GRB14: variants seen among roughly 807,000 people sequenced by gnomAD.
GRB14 encodes growth factor receptor-bound protein 14.
In GRB14, 38 loss-of-function variants were observed where a neutral mutation model predicts 69.1. The observed-to-expected ratio is 0.55, with a 90% CI of 0.42 to 0.72. The LOEUF is 0.72. GRB14 is among the 30% of genes least tolerant of loss of function. GRB14 has a pLI of 0.00. For missense variants in GRB14, 666 were observed against 666.1 expected, an observed-to-expected ratio of 1.00 and a Z score of 0.00; for synonymous variants, 247 against 241.3, an observed-to-expected ratio of 1.02 and a Z score of -0.22.
At chr2:164,610,861 G>A (rs1453533541) in intron 2 of GRB14, among the ~76,000 whole-genome samples, 1 of 144,254 alleles carries the variant, frequency 6.9e-6, no homozygotes, top group Admixed American at 7.0e-5. Context: ...GAAATGTGAT[G>A]GGAAAAAAAA....
At chr2:164,572,816 A>C (rs753049239) in intron 2 of GRB14, among the ~76,000 whole-genome samples, 78 of 152,154 alleles carry the variant, frequency 5.1e-4, no homozygotes, top group Admixed American at 2.6e-4. Context: ...TATACAGAGA[A>C]AAAAAAGCAA....
At chr2:164,507,416 C>T (rs1366852958) in intron 8 of GRB14, among the ~76,000 whole-genome samples, 1 of 152,218 alleles carries the variant, frequency 6.6e-6, no homozygotes, top group East Asian at 1.9e-4. Flanking sequence ...TATTGAAAAG[C>T]TAGTTTTAGT....
intron 6 of GRB14, among the ~76,000 whole-genome samples, chr2:164,512,585 G>C (rs957589849): frequency 6.6e-6 from 1 of 152,198 alleles, no homozygotes; most frequent in Non-Finnish European, 1.5e-5. Context: ...GCTTCACTAC[G>C]TGCTGACTGT....
In GRB14 at chr2:164,508,768, G is replaced by A. The variant is rs138627056; in HGVS notation, c.901C>T (p.Pro301Ser). 1.3e-6 allele frequency: 2 copies of A among 1,586,710 alleles called. No individual in the cohort carries two copies. Among genetic ancestry groups the A allele is most frequent in the Non-Finnish European group, 8.5e-7 (1 of 1,170,430 alleles). ...SLAGKKKHGA[P>S]TNYGFCFKPN... ...TTAAAGCAGAATCCATAGTTAGTCGGTGCTCCATGTTTTTTTTTGCCTGCC... is the reference window on the plus strand; with the variant it reads ...TTAAAGCAGAATCCATAGTTAGTCGATGCTCCATGTTTTTTTTTGCCTGCC... Residue 301 changes from proline to serine, a missense_variant, in exon 7 of 14, where the codon CCG becomes TCG. Physicochemically the swap from Pro to Ser is moderately conservative, Grantham distance 74. Transcript: ENST00000263915.
At chr2:164,580,640 G>T (rs1050070490) in intron 2 of GRB14, among the ~76,000 whole-genome samples, 1 of 151,788 alleles carries the variant, frequency 6.6e-6, no homozygotes, top group Non-Finnish European at 1.5e-5. Context: ...AGAGGTGGAG[G>T]TTGCAGTGAG....
At chr2:164,552,995 C>T (rs1688584267) in intron 2 of GRB14, among the ~76,000 whole-genome samples, 2 of 152,100 alleles carry the variant, frequency 1.3e-5, no homozygotes, top group Non-Finnish European at 2.9e-5. Context: ...ACATTCCATG[C>T]CAAGAAATGG....
chr2:164,514,423 A>G (rs1405526444), intron 6 of GRB14, among the ~76,000 whole-genome samples: 5 of 152,212 alleles, frequency 3.3e-5, no homozygotes, highest in Non-Finnish European at 5.9e-5. Context: ...CTGAACACAC[A>G]CCCTCACTGC....
intron 2 of GRB14, among the ~76,000 whole-genome samples, chr2:164,614,714 G>C (rs1690245809): frequency 6.6e-6 from 1 of 152,076 alleles, no homozygotes; most frequent in South Asian, 2.1e-4. Flanking sequence ...ATATGTACAT[G>C]GGTTTCTCTT....
At chr2:164,527,207 A>G (rs1687801739) in intron 3 of GRB14, 72 bp from the exon 4 acceptor site, 1 of 273,106 alleles carries the variant, frequency 3.7e-6, no homozygotes, top group Non-Finnish European at 6.5e-6. Context: ...ATATATATAT[A>G]TATATATATA....
At position 164,508,537 on chromosome 2, in the gene GRB14, C is replaced by T; in HGVS notation, c.941G>A (p.Gly314Glu). 1 of 1,613,992 alleles carries T rather than the reference C, an allele frequency of 6.2e-7. No homozygotes were observed. Residue 314 changes from glycine (G) to glutamate (E), a missense_variant, in exon 8 of 14, where the codon GGA (glycine) becomes GAA (glutamate). Gly to Glu is a moderately conservative substitution (Grantham distance 98). Transcript: ENST00000263915. ...YGFCFKPNKA[G>E]GPRDLKMLCA... ...GAGCATTTTCAGGTCTCGGGGCCCTCCCGCTTTGTTAGGCTAGAAGGCCAC... is the reference window on the plus strand; with the variant it reads ...GAGCATTTTCAGGTCTCGGGGCCCTTCCGCTTTGTTAGGCTAGAAGGCCAC...
chr2:164,585,321 T>G (rs1294331840), intron 2 of GRB14, among the ~76,000 whole-genome samples: 1 of 151,892 alleles, frequency 6.6e-6, no homozygotes, highest in Admixed American at 6.6e-5. Context: ...TGGTTTATTT[T>G]CAAATAATGT....
intron 3 of GRB14, among the ~76,000 whole-genome samples, chr2:164,539,179 A>T (rs1241131450): frequency 2.0e-5 from 3 of 152,170 alleles, no homozygotes; most frequent in Non-Finnish European, 4.4e-5. Context: ...ATTTATATTA[A>T]AAATACTAAT....
At chr2:164,544,191 A>T (rs2105306907) in intron 3 of GRB14, among the ~76,000 whole-genome samples, 1 of 152,340 alleles carries the variant, frequency 6.6e-6, no homozygotes, top group South Asian at 2.1e-4. Context: ...TTCTATTGCT[A>T]CTTGATGCCT....
chr2:164,557,084 T>C lies in GRB14; in HGVS notation c.325-9268A>G, dbSNP rs117861423. Among the ~76,000 whole-genome samples the C allele has an allele frequency of 1.4e-3, 216 of 152,290 alleles. 7 individuals are homozygous for C. In the East Asian group the frequency reaches 0.033, roughly 24 times the overall value. On this transcript the variant is annotated intron_variant, in intron 2 of 13. Coordinates refer to ENST00000263915, the MANE Select transcript of GRB14 (RefSeq NM_004490.3). Reference sequence around the variant, plus strand: ...TGGCTTAGGTGACTGCTGAGAGCCATTTCATATCTGGGATTCTGAAAGAAT... The same window carrying C: ...TGGCTTAGGTGACTGCTGAGAGCCACTTCATATCTGGGATTCTGAAAGAAT...
At chr2:164,544,991 A>G (rs1688335869) in intron 3 of GRB14, among the ~76,000 whole-genome samples, 8 of 152,248 alleles carry the variant, frequency 5.3e-5, no homozygotes. Flanking sequence ...CATAAGAGAA[A>G]GGATGTTCAT....
chr2:164,560,927 C>T (rs1038644203), intron 2 of GRB14, among the ~76,000 whole-genome samples: 1 of 152,072 alleles, frequency 6.6e-6, no homozygotes, highest in Non-Finnish European at 1.5e-5. Context: ...AATCCTTATC[C>T]TTTCTAGGGG....
At chr2:164,505,352 A>G (rs1349648992) in intron 8 of GRB14, among the ~76,000 whole-genome samples, 1 of 152,210 alleles carries the variant, frequency 6.6e-6, no homozygotes, top group Non-Finnish European at 1.5e-5. Flanking sequence ...GTGCATTTCG[A>G]AATTTAACAT....
rs990631605 is a variant in GRB14 at position 164,527,153 on chromosome 2, A to T, written c.482-18T>A. On this transcript the variant is annotated intron_variant, in intron 3 of 13. Transcript: ENST00000263915. ...TGTTCTTTCTGTAAAGAATGTTTCA[A>T]TGAGTATGTTGACAGATAGACAAAT... 1 of 1,287,902 alleles carries T rather than the reference A, an allele frequency of 7.8e-7. No homozygotes were observed. Among genetic ancestry groups the T allele is most frequent in the Non-Finnish European group, 1.1e-6 (1 of 928,166 alleles). The allele number at this position is 1,287,902 out of a possible 1,614,324, so 79.8% of individuals were successfully genotyped here.
At chr2:164,525,191 A>G in intron 4 of GRB14, 113 bp from the exon 5 acceptor site, 3 of 744,562 alleles carry the variant, frequency 4.0e-6, no homozygotes, top group Non-Finnish European at 6.9e-6. Flanking sequence ...ACTAAAATTC[A>G]CCCAAAAGTG....
Sources: allele counts gnomAD v4.1 joint callset (sites outside exome capture counted in the v4.1 genomes callset), GRCh38; gene constraint gnomAD v4.1.1; transcripts MANE v1.5; gene names NCBI Gene and HGNC (gene_info 2026-07-23, HGNC 2026-07-21).